The following AGBL3 variants were observed in gnomAD, a reference collection of about 807,000 sequenced individuals.
AGBL3 encodes the protein AGBL carboxypeptidase 3, also known as cytosolic carboxypeptidase 3.
Under a neutral mutation model 94.5 loss-of-function variants are expected in AGBL3, and 68 were observed. The ratio of observed to expected loss-of-function variants is 0.72; its 90% CI spans 0.59 to 0.88. The LOEUF is 0.88. Ranked by LOEUF, AGBL3 falls within the 40% of genes least tolerant of loss-of-function variation. AGBL3 has a pLI of 0.00. For missense variants in AGBL3, 934 were observed against 1,103.8 expected, an observed-to-expected ratio of 0.85 and a Z score of 2.18; for synonymous variants, 354 against 370.7, an observed-to-expected ratio of 0.95 and a Z score of 0.52.
At chr7:135,034,084 GT>G in intron 6 of AGBL3, 64 bp from the exon 7 acceptor site, 1 of 1,299,714 alleles carries the variant, frequency 7.7e-7, no homozygotes, top group Non-Finnish European at 1.0e-6. Context: ...TTTTACATTG[GT>G]TTTTTACAAA....
intron 15 of AGBL3, among the ~76,000 whole-genome samples, chr7:135,105,179 C>T (rs1160628289): frequency 1.3e-5 from 2 of 149,994 alleles, no homozygotes; most frequent in Non-Finnish European, 2.9e-5. Context: ...AAGAGATTCT[C>T]TTGCCTCAGC....
chr7:135,124,415 A>C (rs1554376943), intron 16 of AGBL3, among the ~76,000 whole-genome samples: 1 of 152,250 alleles, frequency 6.6e-6, no homozygotes, highest in Non-Finnish European at 1.5e-5. Context: ...TTAGAGACCC[A>C]AAAAGAGACA....
At chr7:135,008,005 G>A (rs1429274792) in intron 4 of AGBL3, among the ~76,000 whole-genome samples, 2 of 151,952 alleles carry the variant, frequency 1.3e-5, no homozygotes, top group African/African-American at 4.8e-5. Flanking sequence ...TAGATAAATA[G>A]ACATCCCATG....
chr7:135,082,497 G>C (rs189508213), intron 15 of AGBL3, among the ~76,000 whole-genome samples: 1 of 151,800 alleles, frequency 6.6e-6, no homozygotes, highest in Non-Finnish European at 1.5e-5. Flanking sequence ...GTTGTCTAAT[G>C]AGTGCAAAAT....
At chr7:135,073,945 A>G (rs1452670335) in intron 12 of AGBL3, among the ~76,000 whole-genome samples, 2 of 152,168 alleles carry the variant, frequency 1.3e-5, no homozygotes, top group East Asian at 3.8e-4. Flanking sequence ...GGCATAAGAC[A>G]ATATGAGGGG....
chr7:134,996,438 A>G lies in AGBL3; in HGVS notation c.310+2760A>G, dbSNP rs143676631. Among the ~76,000 whole-genome samples the G allele has an allele frequency of 4.9e-3, 745 of 152,284 alleles. 7 individuals carry two copies. The highest frequency in any genetic ancestry group is 6.8e-3 in the Non-Finnish European group (462 of 68,014). ...AGTTTCAGACAGTAAACAGCACATC[A>G]TTAATCTTACTGTTCTTATCTTGGC... On this transcript the variant is annotated intron_variant, in intron 4 of 16. Coordinates refer to ENST00000436302, the MANE Select transcript of AGBL3 (RefSeq NM_178563.4).
At chr7:135,130,659 T>C (rs1205926720) in intron 16 of AGBL3, among the ~76,000 whole-genome samples, 1 of 152,114 alleles carries the variant, frequency 6.6e-6, no homozygotes, top group African/African-American at 2.4e-5. Flanking sequence ...CTGAATGTTC[T>C]TGAATTATCT....
chr7:135,129,439 T>C, intron 16 of AGBL3: 1 of 784,904 alleles, frequency 1.3e-6, no homozygotes, highest in Non-Finnish European at 2.4e-6. Flanking sequence ...CTGGAAGAGA[T>C]GGAAAGTAAG....
chr7:135,002,811 T>C (rs867933267), intron 4 of AGBL3, among the ~76,000 whole-genome samples: 72 of 152,334 alleles, frequency 4.7e-4, no homozygotes, highest in African/African-American at 1.7e-3. Flanking sequence ...ATATGTGTTT[T>C]TTGTTCATGT....
Position 135,062,941 on chromosome 7 carries a change from GT to G in AGBL3, c.1908+3708del, listed in dbSNP as rs1199861782. On this transcript the variant is annotated intron_variant, in intron 12 of 16. Transcript: ENST00000436302. ...AAGAGTTTAAGAAGGATTCATATTA[GT>G]TCCTCTTTAAATGTTTAGTAGAATT... 3.3e-5 allele frequency among the ~76,000 whole-genome samples: 5 copies of G among 152,168 alleles called. No homozygotes were observed. The East Asian group carries it at 9.6e-4, about 29-fold the overall frequency.
At chr7:135,101,337 T>C (rs895417546) in intron 15 of AGBL3, 1 of 445,686 alleles carries the variant, frequency 2.2e-6, no homozygotes, top group Non-Finnish European at 4.5e-6. Flanking sequence ...TTTCACTATA[T>C]CATCATTAAC....
chr7:135,128,840 G>A, intron 16 of AGBL3: 1 of 1,179,958 alleles, frequency 8.5e-7, no homozygotes, highest in Non-Finnish European at 1.3e-6. Flanking sequence ...TGCAGGATGT[G>A]GAATCATTGT....
intron 15 of AGBL3, chr7:135,092,777 A>C (rs1275290876): frequency 6.6e-6 from 1 of 152,146 alleles, no homozygotes; most frequent in African/African-American, 2.4e-5. Flanking sequence ...TTAGAATGAA[A>C]AAGTAAGAGA....
At chr7:135,031,425 A>T (rs1036790756) in intron 5 of AGBL3, among the ~76,000 whole-genome samples, 3 of 151,920 alleles carry the variant, frequency 2.0e-5, no homozygotes, top group Non-Finnish European at 4.4e-5. Context: ...ACACCGGCTA[A>T]TTTTTGTATT....
At chr7:135,104,066 C>A (rs1239060056) in intron 15 of AGBL3, among the ~76,000 whole-genome samples, 6 of 152,094 alleles carry the variant, frequency 3.9e-5, no homozygotes, top group Admixed American at 1.3e-4. Flanking sequence ...CTCCCTCCTC[C>A]CACCCTTCAC....
chr7:135,058,791 T>C (rs937075207), intron 11 of AGBL3, among the ~76,000 whole-genome samples: 1 of 152,154 alleles, frequency 6.6e-6, no homozygotes, highest in African/African-American at 2.4e-5. Context: ...AGTTTCACTC[T>C]TGTTGCCCAG....
intron 12 of AGBL3, among the ~76,000 whole-genome samples, chr7:135,072,376 A>G (rs1356410905): frequency 6.6e-6 from 1 of 152,206 alleles, no homozygotes; most frequent in Non-Finnish European, 1.5e-5. Flanking sequence ...GGGATCCAGA[A>G]CTAGAAATAC....
At chr7:135,013,349 T>G (rs1309216476) in intron 4 of AGBL3, among the ~76,000 whole-genome samples, 1 of 152,192 alleles carries the variant, frequency 6.6e-6, no homozygotes, top group Non-Finnish European at 1.5e-5. Context: ...GTTTGACAGT[T>G]TTGTTTCTTA....
chr7:135,050,143 C>T (rs1463815831), intron 11 of AGBL3, among the ~76,000 whole-genome samples: 6 of 151,698 alleles, frequency 4.0e-5, no homozygotes, highest in Non-Finnish European at 8.9e-5. Flanking sequence ...TTTATTTCTA[C>T]TTTGACCCAA....
Sources: allele counts gnomAD v4.1 joint callset (sites outside exome capture counted in the v4.1 genomes callset), GRCh38; gene constraint gnomAD v4.1.1; transcripts MANE v1.5; gene names NCBI Gene and HGNC (gene_info 2026-07-23, HGNC 2026-07-21).